DGKB: variants seen among roughly 807,000 people sequenced by gnomAD.
The protein encoded by DGKB is 90 kDa diacylglycerol kinase.
Under a neutral mutation model 114.3 loss-of-function variants are expected in DGKB, and 67 were observed. That is an observed-to-expected ratio of 0.59 (90% confidence interval 0.48 to 0.72). DGKB has a LOEUF of 0.72. Ranked by LOEUF, DGKB falls within the 30% of genes least tolerant of loss-of-function variation. The pLI is 0.00. For missense variants in DGKB, 907 were observed against 975.2 expected, an observed-to-expected ratio of 0.93 and a Z score of 0.93; for synonymous variants, 398 against 323.1, an observed-to-expected ratio of 1.23 and a Z score of -2.49.
chr7:14,458,751 T>G (rs1228499001), intron 21 of DGKB, among the ~76,000 whole-genome samples: 1 of 152,150 alleles, frequency 6.6e-6, no homozygotes, highest in Non-Finnish European at 1.5e-5. Context: ...GGCCATGGGT[T>G]TCAAGTACAA....
Position 14,619,136 on chromosome 7 carries a change from T to C in DGKB, c.1284+2242A>G, listed in dbSNP as rs911571430. On this transcript the variant is annotated intron_variant, in intron 15 of 25. Transcript: ENST00000402815. ...CAACAGGCTTTTGCACATGATTATA[T>C]ACCAACTTTTTTTAATTCAAAAAAT... is the stretch of plus-strand genomic sequence containing the variant. Among the ~76,000 whole-genome samples the C allele has an allele frequency of 2.0e-5, 3 of 151,676 alleles. No homozygotes were observed. The South Asian group carries it at 6.2e-4, about 31-fold the overall frequency.
intron 2 of DGKB, among the ~76,000 whole-genome samples, chr7:14,801,103 T>C (rs1280278130): frequency 6.6e-6 from 1 of 152,170 alleles, no homozygotes; most frequent in Non-Finnish European, 1.5e-5. Context: ...ATATATTTGA[T>C]TCCTTCCCTT....
chr7:14,538,302 A>G (rs1023005713), intron 20 of DGKB, among the ~76,000 whole-genome samples: 1 of 151,944 alleles, frequency 6.6e-6, no homozygotes, highest in Admixed American at 6.6e-5. Context: ...CAACAAAATA[A>G]CCCAGTTACA....
intron 1 of DGKB, among the ~76,000 whole-genome samples, chr7:14,900,254 G>A (rs1333740038): frequency 1.3e-5 from 2 of 152,160 alleles, no homozygotes; most frequent in African/African-American, 4.8e-5. Context: ...ATTTGCGTTG[G>A]TGTTTTACAA....
intron 23 of DGKB, chr7:14,209,650 G>A (rs551319528): frequency 2.7e-5 from 10 of 364,028 alleles, no homozygotes; most frequent in East Asian, 8.3e-5. Flanking sequence ...AAAAAGAAGC[G>A]TTTATCTTTG....
intron 23 of DGKB, among the ~76,000 whole-genome samples, chr7:14,249,639 A>G (rs1794948145): frequency 6.6e-6 from 1 of 152,092 alleles, no homozygotes; most frequent in Non-Finnish European, 1.5e-5. Context: ...ATTGTTCATT[A>G]TAGCCTCTTA....
intron 13 of DGKB, among the ~76,000 whole-genome samples, chr7:14,662,068 G>C (rs1453765029): frequency 2.0e-5 from 3 of 152,082 alleles, no homozygotes; most frequent in Admixed American, 2.0e-4. Context: ...GGTGGGGTTA[G>C]GGGAGAGGGA....
intron 17 of DGKB, among the ~76,000 whole-genome samples, chr7:14,598,884 AG>A (rs1803050793): frequency 1.3e-5 from 2 of 152,146 alleles, no homozygotes; most frequent in South Asian, 4.1e-4. Flanking sequence ...ATATCTCCAC[AG>A]GCATTTCTGA....
chr7:14,754,078 T>G lies in DGKB; in HGVS notation c.148-130A>C, dbSNP rs538160825. 5.0e-6 allele frequency: 3 copies of G among 600,370 alleles called. No homozygotes were observed. In the Admixed American group the frequency reaches 1.0e-4, roughly 20 times the overall value. The allele number at this position is 600,370 out of a possible 1,614,324, so 37.2% of individuals were successfully genotyped here. A position where few individuals can be genotyped will look rare whatever the true frequency, so the allele number is the denominator to read the frequency against. On this transcript the variant is annotated intron_variant, in intron 3 of 25. Coordinates refer to ENST00000402815, the MANE Select transcript of DGKB (RefSeq NM_001350709.2). ...GATTTTAAAACACACCCTAGATCCA[T>G]AGGCCTCAAAAGGTGGTTCCGAAAC...
intron 5 of DGKB, among the ~76,000 whole-genome samples, chr7:14,729,246 C>T (rs1289991649): frequency 1.3e-5 from 2 of 150,336 alleles, no homozygotes; most frequent in African/African-American, 4.9e-5. Context: ...CCTCAGCCTC[C>T]CGAGTAGCTG....
chr7:14,291,119 G>A (rs1382294005), intron 23 of DGKB, among the ~76,000 whole-genome samples: 1 of 95,864 alleles, frequency 1.0e-5, no homozygotes, highest in Non-Finnish European at 1.8e-5. Context: ...TCCAGCCTAT[G>A]CAACAAAAGC....
rs555422825 is a variant in DGKB, at chr7:14,537,409, G to C, written c.1770+36803C>G. On this transcript the variant is annotated intron_variant, in intron 20 of 25. Coordinates refer to ENST00000402815, the MANE Select transcript of DGKB (RefSeq NM_001350709.2). Reference sequence around the variant, plus strand: ...GAATCACACTTCCTACAGTAATCACGATAGTCTAGTACTGACATAAAGACA... The same window carrying C: ...GAATCACACTTCCTACAGTAATCACCATAGTCTAGTACTGACATAAAGACA... 2.0e-5 allele frequency among the ~76,000 whole-genome samples: 3 copies of C among 152,134 alleles called. No individual in the cohort carries two copies. The East Asian group carries it at 5.8e-4, about 29-fold the overall frequency.
chr7:14,671,333 G>A (rs1031770004), intron 13 of DGKB, among the ~76,000 whole-genome samples: 3 of 152,016 alleles, frequency 2.0e-5, no homozygotes, highest in East Asian at 1.9e-4. Flanking sequence ...TTGGAAGGAC[G>A]AAATGCTCAA....
At chr7:14,900,950 A>G (rs1384156345) in intron 1 of DGKB, among the ~76,000 whole-genome samples, 1 of 152,176 alleles carries the variant, frequency 6.6e-6, no homozygotes, top group Non-Finnish European at 1.5e-5. Context: ...ATATTCTTCT[A>G]TTCTTCATAT....
chr7:14,176,493 T>TAATA, intron 25 of DGKB: 1 of 1,006,832 alleles, frequency 9.9e-7, no homozygotes, highest in East Asian at 9.3e-5. Context: ...AATAATATTC[T>TAATA]AATAATGTGC....
At chr7:14,561,677 G>T (rs946403901) in intron 20 of DGKB, among the ~76,000 whole-genome samples, 1 of 152,140 alleles carries the variant, frequency 6.6e-6, no homozygotes, top group Admixed American at 6.5e-5. Context: ...GTGGCATTTT[G>T]CCCCTGCCCT....
chr7:14,721,966 A>C (rs1159133063), intron 5 of DGKB, among the ~76,000 whole-genome samples: 1 of 152,142 alleles, frequency 6.6e-6, no homozygotes, highest in Non-Finnish European at 1.5e-5. Flanking sequence ...AGTCTTGCTT[A>C]CTTCAAATAT....
intron 21 of DGKB, among the ~76,000 whole-genome samples, chr7:14,430,236 T>C (rs1004807022): frequency 2.6e-5 from 4 of 152,170 alleles, no homozygotes; most frequent in African/African-American, 4.8e-5. Flanking sequence ...CGCCTTTAGA[T>C]GATGCTATGA....
In DGKB at chr7:14,771,790, C is replaced by G. The variant is rs907248387; in HGVS notation, c.71-14059G>C. Among the ~76,000 whole-genome samples the G allele has an allele frequency of 6.0e-5, 9 of 149,340 alleles. No homozygotes were observed. In the South Asian group the frequency reaches 1.1e-3, roughly 18 times the overall value. On this transcript the variant is annotated intron_variant, in intron 2 of 25. Coordinates refer to ENST00000402815, the MANE Select transcript of DGKB (RefSeq NM_001350709.2). Reference sequence around the variant, plus strand: ...ACATTCAATAGAGAATCCCCTTCCCCCTTTGTTTTCCTTCCTTTCTTTCCA... The same window carrying G: ...ACATTCAATAGAGAATCCCCTTCCCGCTTTGTTTTCCTTCCTTTCTTTCCA...
Sources: allele counts gnomAD v4.1 joint callset (sites outside exome capture counted in the v4.1 genomes callset), GRCh38; gene constraint gnomAD v4.1.1; transcripts MANE v1.5; gene names NCBI Gene and HGNC (gene_info 2026-07-23, HGNC 2026-07-21).